The following SORCS1 variants were observed in gnomAD, a reference collection of about 807,000 sequenced individuals.
SORCS1 encodes the protein sortilin related VPS10 domain containing receptor 1, also known as VPS10 domain-containing receptor SorCS1.
A neutral mutation model predicts 146.1 loss-of-function variants in SORCS1; 60 were observed. The observed-to-expected ratio is 0.41, with a 90% CI of 0.33 to 0.51. The LOEUF (loss-of-function observed/expected upper bound fraction) is 0.51. Among genes scored for constraint, SORCS1 ranks in the 20% least tolerant of loss-of-function variants. SORCS1 has a pLI of 0.21. For synonymous variants in SORCS1, 637 were observed against 584.0 expected (o/e 1.09, Z -1.31); for missense variants, 1,352 against 1,487.6 (o/e 0.91, Z 1.50).
At chr10:107,047,403 T>C (rs569631305) in intron 1 of SORCS1, among the ~76,000 whole-genome samples, 46 of 152,316 alleles carry the variant, frequency 3.0e-4, no homozygotes, top group African/African-American at 1.1e-3. Flanking sequence ...CCCTTTCCAC[T>C]TTAAGATTGT....
At chr10:106,964,961 C>T (rs1955432635) in intron 1 of SORCS1, among the ~76,000 whole-genome samples, 1 of 150,428 alleles carries the variant, frequency 6.6e-6, no homozygotes, top group South Asian at 2.1e-4. Context: ...TAGTAGAATG[C>T]CGTTTGCAGC....
intron 1 of SORCS1, among the ~76,000 whole-genome samples, chr10:107,034,690 A>AC (rs1352197702): frequency 6.9e-6 from 1 of 144,280 alleles, no homozygotes; most frequent in African/African-American, 2.5e-5. Flanking sequence ...CAAAAAAAAA[A>AC]AAAAAAAAAA....
chr10:107,085,923 G>T (rs1963723197), intron 1 of SORCS1, among the ~76,000 whole-genome samples: 1 of 152,166 alleles, frequency 6.6e-6, no homozygotes, highest in Non-Finnish European at 1.5e-5. Flanking sequence ...ACAAACCAAG[G>T]CCTTTTCCCC....
At chr10:106,749,259 A>G (rs1486321982) in intron 5 of SORCS1, among the ~76,000 whole-genome samples, 1 of 152,228 alleles carries the variant, frequency 6.6e-6, no homozygotes, top group African/African-American at 2.4e-5. Flanking sequence ...AGTGAGAGGC[A>G]GATGCAGATG....
intron 18 of SORCS1, among the ~76,000 whole-genome samples, chr10:106,642,266 T>C (rs899425183): frequency 6.6e-6 from 1 of 152,164 alleles, no homozygotes; most frequent in Non-Finnish European, 1.5e-5. Flanking sequence ...GGTACTCACA[T>C]GAAAAAAATA....
chr10:106,999,299 T>C (rs1324620509), intron 1 of SORCS1, among the ~76,000 whole-genome samples: 1 of 151,782 alleles, frequency 6.6e-6, no homozygotes, highest in Non-Finnish European at 1.5e-5. Flanking sequence ...GCAAACATCA[T>C]TTGTCTTCTC....
chr10:106,713,764 T>A (rs1855163176), intron 6 of SORCS1, among the ~76,000 whole-genome samples: 3 of 152,318 alleles, frequency 2.0e-5, no homozygotes, highest in South Asian at 2.1e-4. Flanking sequence ...TTATTTCTAG[T>A]ATACTGTGTT....
chr10:106,720,213 T>C (rs1348598240), intron 6 of SORCS1, among the ~76,000 whole-genome samples: 2 of 152,162 alleles, frequency 1.3e-5, no homozygotes, highest in Non-Finnish European at 2.9e-5. Context: ...TTCCTAATCA[T>C]CCCTCATTCA....
At chr10:107,136,281 A>C (rs2134675700) in intron 1 of SORCS1, among the ~76,000 whole-genome samples, 1 of 152,346 alleles carries the variant, frequency 6.6e-6, no homozygotes, top group Admixed American at 6.5e-5. Context: ...AGAGGACAAA[A>C]GTCCTGGCTT....
chr10:106,914,609 C>T (rs1422525536), intron 2 of SORCS1, among the ~76,000 whole-genome samples: 1 of 152,138 alleles, frequency 6.6e-6, no homozygotes, highest in Non-Finnish European at 1.5e-5. Context: ...GTCATTTATC[C>T]TCTCTGGACC....
chr10:107,039,145 A>C (rs1421802438), intron 1 of SORCS1, among the ~76,000 whole-genome samples: 1 of 151,864 alleles, frequency 6.6e-6, no homozygotes, highest in Admixed American at 6.6e-5. Context: ...CTGGCTAACA[A>C]GGTGAAACCC....
chr10:107,164,014 T>C lies in SORCS1; in HGVS notation c.513A>G (p.Ser171=), dbSNP rs1215600889. The C allele has an allele frequency of 1.9e-6, 3 of 1,613,988 alleles. No homozygotes were observed. In the South Asian group the frequency reaches 3.3e-5, roughly 18 times the overall value. The part of the protein sequence containing the change: ...TSTTFALTGD[S]AHNQAMVHWS... ...AGTGGACCATGGCTTGGTTGTGTGC[T>C]GAGTCTCCCGTCAGCGCAAACGTGG... The change falls in exon 1 of 26, where the codon TCA becomes TCG. Residue 171 remains serine (S), a synonymous_variant. Coordinates refer to ENST00000263054, the MANE Select transcript of SORCS1 (RefSeq NM_052918.5). The surrounding 1 kb of genome is among the most constrained non-coding windows in gnomAD (Gnocchi z 6.8).
At chr10:106,951,531 C>G (rs796348754) in intron 2 of SORCS1, among the ~76,000 whole-genome samples, 2 of 117,948 alleles carry the variant, frequency 1.7e-5, no homozygotes, top group African/African-American at 2.8e-5. Context: ...AAAAAAAAAA[C>G]GGAACACCTG....
chr10:106,767,103 G>A (rs1181687071), intron 4 of SORCS1, among the ~76,000 whole-genome samples: 1 of 152,138 alleles, frequency 6.6e-6, no homozygotes, highest in Non-Finnish European at 1.5e-5. Flanking sequence ...CAATACTTGT[G>A]GGGAGCTGAT....
chr10:106,697,964 TG>T (rs747923939), intron 9 of SORCS1, among the ~76,000 whole-genome samples: 23 of 152,178 alleles, frequency 1.5e-4, no homozygotes, highest in Non-Finnish European at 2.5e-4. Flanking sequence ...ATCTGAAACA[TG>T]GGCAGGAGAA....
At chr10:106,933,774 A>G (rs1014909780) in intron 2 of SORCS1, among the ~76,000 whole-genome samples, 12 of 152,190 alleles carry the variant, frequency 7.9e-5, no homozygotes, top group African/African-American at 2.9e-4. Context: ...TAACTTTACC[A>G]GATATCAATA....
intron 21 of SORCS1, among the ~76,000 whole-genome samples, chr10:106,614,390 T>C (rs2133441601): frequency 6.6e-6 from 1 of 152,340 alleles, no homozygotes; most frequent in African/African-American, 2.4e-5. Context: ...CAAACACATG[T>C]TTCGAAGACT....
At chr10:107,109,687 C>T (rs765775279) in intron 1 of SORCS1, among the ~76,000 whole-genome samples, 1 of 152,240 alleles carries the variant, frequency 6.6e-6, no homozygotes, top group East Asian at 1.9e-4. Context: ...ATGCAAATTT[C>T]TCTAGCAAGC....
At chr10:106,706,453 G>T in intron 8 of SORCS1, 92 bp downstream of exon 8, 5 of 1,219,624 alleles carry the variant, frequency 4.1e-6, no homozygotes, top group Non-Finnish European at 6.0e-6. Flanking sequence ...ACATGACTAT[G>T]AGAGGCTGAA....
Sources: allele counts gnomAD v4.1 joint callset (sites outside exome capture counted in the v4.1 genomes callset), GRCh38; gene constraint gnomAD v4.1.1; non-coding constraint Gnocchi (gnomAD v3.1); transcripts MANE v1.5; gene names NCBI Gene and HGNC (gene_info 2026-07-23, HGNC 2026-07-21).